UNC13B: variants seen among roughly 807,000 people sequenced by gnomAD.
UNC13B encodes protein unc-13 homolog B.
In UNC13B, 144 loss-of-function variants were observed where a neutral mutation model predicts 211.0. The ratio of observed to expected loss-of-function variants is 0.68; its 90% CI spans 0.60 to 0.78. UNC13B has a LOEUF of 0.78. UNC13B is among the 30% of genes least tolerant of loss of function. The pLI is 0.00. For synonymous variants in UNC13B, 709 were observed against 725.8 expected, an observed-to-expected ratio of 0.98 and a Z score of 0.37; for missense variants, 1,777 against 2,002.0, an observed-to-expected ratio of 0.89 and a Z score of 2.14.
At chr9:35,206,640 C>T (rs1339853122) in intron 1 of UNC13B, among the ~76,000 whole-genome samples, 2 of 152,082 alleles carry the variant, frequency 1.3e-5, no homozygotes, top group Middle Eastern at 3.2e-3. Flanking sequence ...CTTTGGGAGA[C>T]CAAGGCAGGT....
At chr9:35,250,546 A>T (rs1221523860) in intron 6 of UNC13B, among the ~76,000 whole-genome samples, 2 of 152,238 alleles carry the variant, frequency 1.3e-5, no homozygotes, top group Admixed American at 6.5e-5. Flanking sequence ...AGTACATTTT[A>T]AATTCATTCA....
chr9:35,302,817 C>A lies in UNC13B; in HGVS notation c.3413C>A (p.Thr1138Asn), dbSNP rs1288842218. 7.5e-6 allele frequency: 3 copies of A among 398,502 alleles called. No homozygotes were observed. Among genetic ancestry groups the A allele is most frequent in the Non-Finnish European group, 1.3e-5 (3 of 225,748 alleles). The allele number at this position is 398,502 out of a possible 1,614,324, so 24.7% of individuals were successfully genotyped here. The part of the protein sequence containing the change: ...EINEDEVIDK[T>N]SKKNTQGSFL... ...AATGAAGATGAGGTTATAGATAAGA[C>A]TTCCAAGAAAAATACCCAAGGAAGC... Residue 1138 changes from threonine (T) to asparagine (N), a missense_variant, in exon 9 of 40, where the codon ACT becomes AAT. Coordinates refer to ENST00000635942, the MANE Select transcript of UNC13B (RefSeq NM_001371189.2).
chr9:35,298,873 G>A (rs1829532193), intron 8 of UNC13B, among the ~76,000 whole-genome samples: 1 of 152,160 alleles, frequency 6.6e-6, no homozygotes, highest in Non-Finnish European at 1.5e-5. Flanking sequence ...TCAGTATAGG[G>A]AAAGATTTTC....
chr9:35,297,561 T>TTTTTTTTTTTTTTTTTGTTTTG, intron 8 of UNC13B, among the ~76,000 whole-genome samples: 1 of 128,164 alleles, frequency 7.8e-6, no homozygotes, highest in African/African-American at 2.9e-5. Context: ...TTTTTTTTTT[T>TTTTTTTTTTTTTTTTTGTTTTG]TTTTTTGAGA....
intron 1 of UNC13B, among the ~76,000 whole-genome samples, chr9:35,200,870 A>ATGTTGAAT (rs1823244218): frequency 6.6e-6 from 1 of 152,142 alleles, no homozygotes; most frequent in Non-Finnish European, 1.5e-5. Context: ...TTCCAACACT[A>ATGTTGAAT]TGTTGAATAG....
At chr9:35,382,562 ATTTTTT>A in intron 21 of UNC13B, 55 bp downstream of exon 21, 2 of 1,335,178 alleles carry the variant, frequency 1.5e-6, no homozygotes, top group Middle Eastern at 2.1e-4. Context: ...ATAAAGTTTG[ATTTTTT>A]TTTTTTTTTT....
chr9:35,208,486 C>T (rs1823787488), intron 1 of UNC13B, among the ~76,000 whole-genome samples: 1 of 152,150 alleles, frequency 6.6e-6, no homozygotes, highest in South Asian at 2.1e-4. Context: ...GTTTAATTGG[C>T]TCACAGTTCT....
intron 10 of UNC13B, among the ~76,000 whole-genome samples, 200 bp downstream of exon 10, chr9:35,310,981 G>C (rs1336617716): frequency 6.6e-6 from 1 of 152,048 alleles, no homozygotes; most frequent in Non-Finnish European, 1.5e-5. Context: ...AAGAATATTT[G>C]GGTTTTTGTT....
Position 35,400,938 on chromosome 9 carries a change from G to T in UNC13B, c.12484+495G>T, listed in dbSNP as rs117487129. On this transcript the variant is annotated intron_variant, in intron 37 of 39. Transcript: ENST00000635942. ...CTGAAGGGAGGGTGTGGATCCTGGG[G>T]CCCTGTGCACAGCTGAGGCTCCAGT... 2.0e-5 allele frequency among the ~76,000 whole-genome samples: 3 copies of T among 152,222 alleles called. No homozygotes were observed. In the East Asian group the frequency reaches 5.8e-4, roughly 29 times the overall value.
intron 1 of UNC13B, among the ~76,000 whole-genome samples, chr9:35,191,120 C>G (rs1185734381): frequency 6.6e-6 from 1 of 152,166 alleles, no homozygotes; most frequent in African/African-American, 2.4e-5. Context: ...CCACCACACC[C>G]AGCTAATTTT....
At chr9:35,295,522 G>A (rs1223591435) in intron 7 of UNC13B, among the ~76,000 whole-genome samples, 174 bp from the exon 8 acceptor site, 2 of 152,130 alleles carry the variant, frequency 1.3e-5, no homozygotes, top group Non-Finnish European at 2.9e-5. Context: ...AAACTTGTGG[G>A]TATTAATTGA....
At chr9:35,358,770 A>G (rs947801784) in intron 11 of UNC13B, among the ~76,000 whole-genome samples, 3 of 146,038 alleles carry the variant, frequency 2.1e-5, no homozygotes, top group African/African-American at 5.1e-5. Flanking sequence ...TTCGGCTCAC[A>G]GCAACCTCCG....
At chr9:35,175,549 G>A (rs767203352) in intron 1 of UNC13B, among the ~76,000 whole-genome samples, 1 of 152,100 alleles carries the variant, frequency 6.6e-6, no homozygotes, top group Non-Finnish European at 1.5e-5. Context: ...ACTTGTTGAG[G>A]TTTAGGAAAA....
chr9:35,366,372 G>A (rs1833771904), intron 11 of UNC13B, among the ~76,000 whole-genome samples: 1 of 152,188 alleles, frequency 6.6e-6, no homozygotes, highest in South Asian at 2.1e-4. Context: ...GATAATCCAA[G>A]TGTCTAATCT....
At chr9:35,274,860 G>T (rs1400632562) in intron 7 of UNC13B, among the ~76,000 whole-genome samples, 1 of 152,120 alleles carries the variant, frequency 6.6e-6, no homozygotes, top group Admixed American at 6.6e-5. Context: ...CCATAAAAGA[G>T]ATGTCCAGCT....
Position 35,295,771 on chromosome 9 carries a change from C to A in UNC13B, c.602C>A (p.Pro201His). The A allele has an allele frequency of 6.2e-7, 1 of 1,614,138 alleles. No homozygotes were observed. Among genetic ancestry groups the A allele is most frequent in the Non-Finnish European group, 8.5e-7 (1 of 1,180,010 alleles). Residue 201 changes from proline (P) to histidine (H), a missense_variant, in exon 8 of 40, where the codon CCT (proline) becomes CAT (histidine). Pro to His is a moderately conservative substitution (Grantham distance 77, BLOSUM62 -2). Coordinates refer to ENST00000635942, the MANE Select transcript of UNC13B (RefSeq NM_001371189.2). The stretch of plus-strand genomic sequence containing the variant: ...AGTGAGACCAGCAACAGCTTCCCAC[C>A]TCCTTACCATACAGCTTCCCAGCCC... ...YRSETSNSFP[P>H]PYHTASQPNA... is the part of the protein sequence containing the mutation.
chr9:35,224,421 C>T (rs899033990), intron 1 of UNC13B, among the ~76,000 whole-genome samples: 1 of 152,058 alleles, frequency 6.6e-6, no homozygotes, highest in Admixed American at 6.6e-5. Context: ...AATGTGATTA[C>T]TTTTTAAATT....
chr9:35,230,544 TG>T (rs1825141118), intron 2 of UNC13B, among the ~76,000 whole-genome samples: 1 of 152,018 alleles, frequency 6.6e-6, no homozygotes, highest in African/African-American at 2.4e-5. Context: ...AGATCGAGCT[TG>T]AAATCTATTT....
chr9:35,300,744 C>CT lies in UNC13B; in HGVS notation c.1341dup (p.Ile448TyrfsTer2). On this transcript the variant is annotated frameshift_variant, in exon 9 of 40. Transcript: ENST00000635942. LOFTEE classifies it high-confidence loss of function. ...TCTATAGAAGAGATAACCCCTTCCT[C>CT]TATTGAGGAGCCCAAGGAGGACCGT... The CT allele has an allele frequency of 2.5e-6, 1 of 398,916 alleles. No individual in the cohort carries two copies. The highest frequency in any genetic ancestry group is 6.3e-4 in the Middle Eastern group (1 of 1,588). 24.7% of individuals were successfully genotyped at this position (398,916 alleles called of 1,614,324 possible).
Sources: allele counts gnomAD v4.1 joint callset (sites outside exome capture counted in the v4.1 genomes callset), GRCh38; gene constraint gnomAD v4.1.1; transcripts MANE v1.5; gene names NCBI Gene and HGNC (gene_info 2026-07-23, HGNC 2026-07-21).